RBM4: variants seen among roughly 807,000 people sequenced by gnomAD.
The protein encoded by RBM4 is RNA-binding protein 4.
Under a neutral mutation model 29.5 loss-of-function variants are expected in RBM4, and 7 were observed. The observed-to-expected ratio is 0.24, with a 90% CI of 0.14 to 0.45. The LOEUF is 0.45. RBM4 is among the 20% of genes least tolerant of loss of function. The pLI is 1.00. For missense variants in RBM4, 387 were observed against 502.3 expected, an observed-to-expected ratio of 0.77 and a Z score of 2.19; for synonymous variants, 220 against 205.4, an observed-to-expected ratio of 1.07 and a Z score of -0.61.
At chr11:66,663,872 G>A (rs747894445) in intron 2 of RBM4, among the ~76,000 whole-genome samples, 115 of 152,230 alleles carry the variant, frequency 7.6e-4, no homozygotes, top group Non-Finnish European at 1.3e-3. Context: ...ATCTGAGTCT[G>A]TTAGCCTTTA....
chr11:66,646,500 G>C, downstream of RBM4: 2 of 990,334 alleles, frequency 2.0e-6, no homozygotes, highest in Non-Finnish European at 2.4e-6. Context: ...CTTCTTGCTT[G>C]GGCTTGTTTG....
At chr11:66,659,143 T>C (rs1175166212) in intron 2 of RBM4, among the ~76,000 whole-genome samples, 1 of 151,668 alleles carries the variant, frequency 6.6e-6, no homozygotes, top group African/African-American at 2.4e-5. Flanking sequence ...GCTCACATTG[T>C]ATTTCTGTTA....
chr11:66,645,881 G>A (rs1336563832), intron 3 of RBM4, 146 bp from the exon 4 acceptor site: 2 of 1,404,884 alleles, frequency 1.4e-6, no homozygotes, highest in South Asian at 1.4e-5. Flanking sequence ...TTCATTGTTA[G>A]AGATTACTGT....
At chr11:66,658,337 C>CTTTTTTTTTTTTTTTTTT (rs35133059) in intron 2 of RBM4, among the ~76,000 whole-genome samples, 2 of 50,464 alleles carry the variant, frequency 4.0e-5, no homozygotes, top group African/African-American at 7.8e-5. Context: ...CTAGTCTGAC[C>CTTTTTTTTTTTTTTTTTT]TTTTTTTTTT....
At chr11:66,664,876 G>A (rs1278817606) in intron 2 of RBM4, 2 of 152,274 alleles carry the variant, frequency 1.3e-5, no homozygotes, top group South Asian at 2.1e-4. Flanking sequence ...TAAGATTACA[G>A]GTGTAAGCCA....
intron 2 of RBM4, chr11:66,640,395 G>T: frequency 1.9e-6 from 1 of 536,244 alleles, no homozygotes; most frequent in Non-Finnish European, 3.3e-6. Flanking sequence ...TTTCTTTGAA[G>T]GCTTTCTGAG....
intron 2 of RBM4, among the ~76,000 whole-genome samples, chr11:66,651,833 C>T (rs1290929427): frequency 2.0e-5 from 3 of 152,172 alleles, no homozygotes; most frequent in Admixed American, 6.5e-5. Context: ...TGAGGGATTT[C>T]TCTGGAGTTT....
downstream of RBM4, chr11:66,650,067 T>A: frequency 2.4e-6 from 1 of 424,204 alleles, no homozygotes; most frequent in Non-Finnish European, 4.2e-6. Flanking sequence ...GTCCTCACTG[T>A]GCCTCCACAA....
downstream of RBM4, among the ~76,000 whole-genome samples, chr11:66,650,359 C>T (rs1284622892): frequency 6.6e-6 from 1 of 151,740 alleles, no homozygotes; most frequent in Non-Finnish European, 1.5e-5. Context: ...CACCTGAGGT[C>T]GGGAGTTCAA....
downstream of RBM4, among the ~76,000 whole-genome samples, chr11:66,647,364 C>T (rs1432858342): frequency 2.0e-5 from 3 of 152,182 alleles, no homozygotes; most frequent in African/African-American, 7.2e-5. Context: ...ATTGTTTCCT[C>T]CTGTTAGATT....
chr11:66,644,059 G>A lies in RBM4; in HGVS notation c.1022G>A (p.Arg341Gln), dbSNP rs574237947. 3.7e-6 allele frequency: 6 copies of A among 1,614,086 alleles called. No individual in the cohort carries two copies. Among genetic ancestry groups the A allele is most frequent in the South Asian group, 3.3e-5 (3 of 91,084 alleles). The change falls in exon 3 of 4, where the codon CGG becomes CAG. Residue 341 changes from arginine (R) to glutamine (Q), a missense_variant. Arg to Gln is a conservative substitution (Grantham distance 43). Around this residue, in one of 2 missense-constraint regions of RBM4, gnomAD observed 281 missense variants for 288.7 expected, o/e 0.97. Coordinates refer to ENST00000310092, the MANE Select transcript of RBM4 (RefSeq NM_002896.4). The stretch of plus-strand genomic sequence containing the variant: ...TTGTCCCAAGCTTCAGCAGCCGCGC[G>A]GAATTCTCTGTACGACATGGCCCGG... ...SELSQASAAA[R>Q]NSLYDMARYE...
At position 66,646,047 on chromosome 11, in the gene RBM4, A is replaced by T; in HGVS notation, c.*29A>T. 1 of 1,536,086 alleles carries T rather than the reference A, an allele frequency of 6.5e-7. No homozygotes were observed. The highest frequency in any genetic ancestry group is 8.7e-7 in the Non-Finnish European group (1 of 1,146,896). ...TTCAGGTGGGATGTGTGTGGGCTGA[A>T]ATTCCGAGCTGCGGTTGTGCATGAG... On this transcript the variant is annotated 3_prime_UTR_variant, in exon 4 of 4. Transcript: ENST00000310092.
chr11:66,665,890 C>A lies in RBM4; in HGVS notation c.447C>A (p.Cys149Ter), dbSNP rs895518213. 2.6e-6 allele frequency: 4 copies of A among 1,535,084 alleles called. No homozygotes were observed. The South Asian group carries it at 4.8e-5, about 18-fold the overall frequency. The change falls in exon 3 of 3, where the codon TGC becomes TGA. Residue 149 changes from cysteine (C) to a stop codon, truncating the protein, a stop_gained. Coordinates refer to the RBM4 transcript ENST00000396053. LOFTEE classifies it low-confidence loss of function (END_TRUNC). ...CCCCTGTGACAGAAGGCTACTGTTG[C>A]TGTAACAAAGGGCATACATACATTT...
At position 66,639,882 on chromosome 11, in the gene RBM4, T is replaced by C. The variant is rs1218521613; in HGVS notation, c.171T>C (p.His57=). The change falls in exon 2 of 4, where the codon CAT becomes CAC. Residue 57 remains histidine, a synonymous_variant. Coordinates refer to ENST00000310092, the MANE Select transcript of RBM4 (RefSeq NM_002896.4). ...AGGATGCCATACGCAACCTGCACCA[T>C]TACAAGCTTCATGGGGTGAACATCA... ...AAEDAIRNLH[H]YKLHGVNINV... is the part of the protein sequence containing the mutation. 6.2e-7 allele frequency: 1 copy of C among 1,614,076 alleles called. No individual in the cohort carries two copies. Among genetic ancestry groups the C allele is most frequent in the Non-Finnish European group, 8.5e-7 (1 of 1,180,014 alleles).
At chr11:66,660,738 C>G (rs1939063544) in intron 2 of RBM4, among the ~76,000 whole-genome samples, 2 of 151,642 alleles carry the variant, frequency 1.3e-5, no homozygotes, top group South Asian at 2.1e-4. Flanking sequence ...ACTGCAAGCT[C>G]TGCCTCCCGG....
intron 2 of RBM4, among the ~76,000 whole-genome samples, chr11:66,641,770 T>C (rs946564740): frequency 2.0e-5 from 3 of 152,234 alleles, no homozygotes; most frequent in African/African-American, 7.2e-5. Flanking sequence ...GGTAGAATTA[T>C]AGATGTATAT....
chr11:66,639,641 T>G, intron 1 of RBM4, 59 bp from the exon 2 acceptor site: 1 of 1,563,540 alleles, frequency 6.4e-7, no homozygotes, highest in East Asian at 2.3e-5. Context: ...AGTCGTTGTC[T>G]TTTGTGAACG....
At chr11:66,662,738 A>G (rs1334340031) in intron 2 of RBM4, among the ~76,000 whole-genome samples, 1 of 152,234 alleles carries the variant, frequency 6.6e-6, no homozygotes, top group East Asian at 1.9e-4. Flanking sequence ...GTTGAAACCT[A>G]GCACAGAACC....
At chr11:66,657,433 G>A (rs1304226028) in intron 2 of RBM4, among the ~76,000 whole-genome samples, 11 of 151,496 alleles carry the variant, frequency 7.3e-5, no homozygotes, top group African/African-American at 2.4e-4. Flanking sequence ...CTGTAATCCC[G>A]GCACTTTGGG....
Sources: gnomAD v4.1 joint callset for allele counts (sites outside exome capture counted in the v4.1 genomes callset) on GRCh38, gnomAD v4.1.1 for gene constraint, gnomAD v4.1.1 regional missense constraint, MANE v1.5 for transcripts, NCBI Gene and HGNC (gene_info 2026-07-23, HGNC 2026-07-21) for gene names.